Variants in HPSE2 observed in about 807,000 individuals in gnomAD.
HPSE2 encodes inactive heparanase-2.
HPSE2 carries 38 observed loss-of-function variants against 60.5 expected under a neutral mutation model. That is an observed-to-expected ratio of 0.63 (90% CI 0.48 to 0.82). The LOEUF is 0.82. Among genes scored for constraint, HPSE2 ranks in the 40% least tolerant of loss-of-function variants. The pLI, the probability that HPSE2 is intolerant of heterozygous loss-of-function variation, is 0.00. For synonymous variants in HPSE2, 295 were observed against 293.2 expected (o/e 1.01, Z -0.06); for missense variants, 713 against 740.4 (o/e 0.96, Z 0.43).
intron 9 of HPSE2, among the ~76,000 whole-genome samples, chr10:98,598,383 G>A (rs896322358): frequency 2.6e-4 from 39 of 151,920 alleles, no homozygotes; most frequent in African/African-American, 8.9e-4. Context: ...GATCCACTGT[G>A]GTAGACTTAT....
intron 2 of HPSE2, among the ~76,000 whole-genome samples, chr10:99,225,179 T>C (rs1009464858): frequency 5.9e-5 from 9 of 152,184 alleles, no homozygotes; most frequent in Non-Finnish European, 1.3e-4. Flanking sequence ...ACTGACACTT[T>C]TTAATACAAT....
chr10:98,741,034 G>T (rs766350765), intron 4 of HPSE2, among the ~76,000 whole-genome samples: 3 of 151,932 alleles, frequency 2.0e-5, no homozygotes, highest in Non-Finnish European at 4.4e-5. Flanking sequence ...ACAATAAAAT[G>T]TATTCTTTAG....
chr10:98,643,257 A>C (rs1246846875), intron 6 of HPSE2, among the ~76,000 whole-genome samples: 2 of 152,152 alleles, frequency 1.3e-5, no homozygotes, highest in Non-Finnish European at 2.9e-5. Context: ...TTTATTCTTA[A>C]ATGGGGGATA....
intron 3 of HPSE2, among the ~76,000 whole-genome samples, chr10:99,041,761 C>T (rs1957744589): frequency 6.6e-6 from 1 of 152,196 alleles, no homozygotes; most frequent in Non-Finnish European, 1.5e-5. Flanking sequence ...CCACCCACAC[C>T]TAAGCACTCT....
At chr10:99,136,110 C>T (rs1462670881) in intron 3 of HPSE2, among the ~76,000 whole-genome samples, 1 of 152,134 alleles carries the variant, frequency 6.6e-6, no homozygotes, top group Non-Finnish European at 1.5e-5. Flanking sequence ...ATTATAAACA[C>T]CTCTACGCAA....
intron 7 of HPSE2, among the ~76,000 whole-genome samples, chr10:98,632,922 A>G (rs1335237473): frequency 6.6e-6 from 1 of 152,122 alleles, no homozygotes; most frequent in African/African-American, 2.4e-5. Context: ...CCCTTAAACG[A>G]CATGGGTTTG....
chr10:99,274,660 G>A, the HPSE2 span, among the ~76,000 whole-genome samples: 6 of 152,122 alleles, frequency 3.9e-5, no homozygotes, highest in Non-Finnish European at 7.4e-5. Context: ...AAAAAAGAGA[G>A]AGAACATTTC....
chr10:98,735,705 T>G (rs1005469175), intron 4 of HPSE2, among the ~76,000 whole-genome samples: 55 of 152,234 alleles, frequency 3.6e-4, no homozygotes, highest in African/African-American at 1.3e-3. Flanking sequence ...TTTGGGAGCT[T>G]TACGATTTGA....
chr10:99,101,999 A>G (rs866034630), intron 3 of HPSE2, among the ~76,000 whole-genome samples: 2 of 152,210 alleles, frequency 1.3e-5, no homozygotes, highest in Non-Finnish European at 2.9e-5. Flanking sequence ...GTAGAGGTAA[A>G]TTTATAGCAC....
In HPSE2 at chr10:98,520,653, T is replaced by C. The variant is rs571683276; in HGVS notation, c.1321-30457A>G. 3.9e-5 allele frequency among the ~76,000 whole-genome samples: 6 copies of C among 152,338 alleles called. No individual in the cohort carries two copies. The South Asian group carries it at 1.2e-3, about 32-fold the overall frequency. On this transcript the variant is annotated intron_variant, in intron 9 of 11. Transcript: ENST00000370552. Reference sequence around the variant, plus strand: ...GCTTTTAGGACATTTTCATTGATATTAGGATTTACGTGATTAAAAAATAAT... The same window carrying C: ...GCTTTTAGGACATTTTCATTGATATCAGGATTTACGTGATTAAAAAATAAT...
At chr10:99,152,804 G>A (rs1846327943) in intron 2 of HPSE2, among the ~76,000 whole-genome samples, 1 of 152,244 alleles carries the variant, frequency 6.6e-6, no homozygotes, top group East Asian at 1.9e-4. Flanking sequence ...GAGTGACGCA[G>A]AAGACGGGTG....
intron 9 of HPSE2, among the ~76,000 whole-genome samples, chr10:98,570,439 G>A (rs919815054): frequency 8.7e-6 from 1 of 115,164 alleles, no homozygotes; most frequent in African/African-American, 3.0e-5. Flanking sequence ...CTAAGAGGAA[G>A]TGTTTTTGTG....
intron 3 of HPSE2, among the ~76,000 whole-genome samples, chr10:98,825,006 C>A (rs1404584761): frequency 6.6e-6 from 1 of 152,152 alleles, no homozygotes; most frequent in African/African-American, 2.4e-5. Context: ...CTGTGATAGT[C>A]ATTAGGGATA....
intron 3 of HPSE2, among the ~76,000 whole-genome samples, chr10:98,817,763 G>C (rs1951325883): frequency 6.6e-6 from 1 of 152,070 alleles, no homozygotes; most frequent in African/African-American, 2.4e-5. Context: ...GGAATAATGA[G>C]GTCACTCTAC....
At chr10:98,818,976 A>G (rs1265692343) in intron 3 of HPSE2, among the ~76,000 whole-genome samples, 1 of 152,222 alleles carries the variant, frequency 6.6e-6, no homozygotes, top group Admixed American at 6.5e-5. Context: ...TAATGAACCT[A>G]CAGCTTCACC....
intron 3 of HPSE2, among the ~76,000 whole-genome samples, chr10:98,847,657 T>C (rs568257117): frequency 6.6e-6 from 1 of 152,244 alleles, no homozygotes; most frequent in Non-Finnish European, 1.5e-5. Flanking sequence ...GTAGTGGTGA[T>C]ACATGCAGCA....
chr10:98,468,598 C>G (rs934786898), intron 11 of HPSE2, among the ~76,000 whole-genome samples: 4 of 151,996 alleles, frequency 2.6e-5, no homozygotes, highest in African/African-American at 9.7e-5. Context: ...CTTATTTTAT[C>G]TGTGTGCTTG....
At chr10:98,743,578 CAA>C (rs1371222959) in intron 4 of HPSE2, among the ~76,000 whole-genome samples, 14 of 152,200 alleles carry the variant, frequency 9.2e-5, no homozygotes, top group African/African-American at 3.4e-4. Context: ...TCAGGCTGTG[CAA>C]ACAGGTTATA....
chr10:99,199,940 G>T (rs993419978), intron 2 of HPSE2, among the ~76,000 whole-genome samples: 2 of 152,100 alleles, frequency 1.3e-5, no homozygotes, highest in African/African-American at 4.8e-5. Context: ...CCATTTATGT[G>T]TGTCTTCTTC....
Sources: allele counts gnomAD v4.1 joint callset (sites outside exome capture counted in the v4.1 genomes callset), GRCh38; gene constraint gnomAD v4.1.1; transcripts MANE v1.5; gene names NCBI Gene and HGNC (gene_info 2026-07-23, HGNC 2026-07-21).